Variants in INPP5D observed in about 807,000 individuals in gnomAD.
INPP5D encodes the protein phosphatidylinositol 3,4,5-trisphosphate 5-phosphatase 1.
Under a neutral mutation model 122.9 loss-of-function variants are expected in INPP5D, and 33 were observed. The ratio of observed to expected loss-of-function variants is 0.27; its 90% CI spans 0.20 to 0.36. The LOEUF (loss-of-function observed/expected upper bound fraction) is 0.36. Ranked by LOEUF, INPP5D falls within the 10% of genes least tolerant of loss-of-function variation. The pLI, the probability that INPP5D is intolerant of heterozygous loss-of-function variation, is 1.00. For synonymous variants in INPP5D, 584 were observed against 576.2 expected, an observed-to-expected ratio of 1.01 and a Z score of -0.19; for missense variants, 1,053 against 1,412.7, an observed-to-expected ratio of 0.75 and a Z score of 4.08.
chr2:233,169,513 A>G, intron 14 of INPP5D, 112 bp downstream of exon 14: 1 of 1,484,708 alleles, frequency 6.7e-7, no homozygotes, highest in Admixed American at 2.2e-5. Flanking sequence ...GACCTTGTGG[A>G]TGTCCTGTGG....
At position 233,177,273 on chromosome 2, in the gene INPP5D, C is replaced by A; in HGVS notation, c.1998C>A (p.Tyr666Ter). ...ATGACTTTGATTTGCAGATGAAGTA[C>A]AACTTGCCTTCCTGGTGTGACCGAG... is the stretch of plus-strand genomic sequence containing the variant. ...YTKQKATGMK[Y>*]NLPSWCDRVL... Residue 666 changes from tyrosine (Y) to a stop codon, truncating the protein, a stop_gained, in exon 18 of 27, where the codon TAC becomes TAA. Transcript: ENST00000445964. LOFTEE classifies it high-confidence loss of function. This position sits in a 1 kb window ranked among gnomAD's most constrained non-coding sequence, Gnocchi z 4.2. The A allele has an allele frequency of 6.2e-7, 1 of 1,613,844 alleles. No homozygotes were observed. Among genetic ancestry groups the A allele is most frequent in the Non-Finnish European group, 8.5e-7 (1 of 1,179,828 alleles).
chr2:233,113,088 G>C (rs1176215077), intron 2 of INPP5D, among the ~76,000 whole-genome samples: 1 of 152,110 alleles, frequency 6.6e-6, no homozygotes, highest in Non-Finnish European at 1.5e-5. Context: ...GAGAAGCCTG[G>C]CTCCTGCTTC....
chr2:233,086,203 A>G (rs1691843541), intron 2 of INPP5D, among the ~76,000 whole-genome samples: 1 of 73,520 alleles, frequency 1.4e-5, no homozygotes, highest in Non-Finnish European at 2.9e-5. Context: ...TTTGAGACAG[A>G]GTTTCGCTCT....
At chr2:233,139,328 G>T (rs1041237524) in intron 5 of INPP5D, among the ~76,000 whole-genome samples, 1 of 152,158 alleles carries the variant, frequency 6.6e-6, no homozygotes, top group African/African-American at 2.4e-5. Flanking sequence ...GGGAAAATCC[G>T]TCTGAGCCTG....
chr2:233,073,046 G>A (rs553373799), intron 1 of INPP5D, among the ~76,000 whole-genome samples: 1 of 152,338 alleles, frequency 6.6e-6, no homozygotes, highest in South Asian at 2.1e-4. Flanking sequence ...AGCAGGCAGG[G>A]TGGGGTCAGT....
intron 2 of INPP5D, 50 bp downstream of exon 2, chr2:233,079,448 G>A (rs767408373): frequency 2.4e-5 from 27 of 1,133,324 alleles, no homozygotes; most frequent in Non-Finnish European, 3.2e-5. Context: ...AGCCGATACT[G>A]GCAGAGAAAG....
intron 4 of INPP5D, among the ~76,000 whole-genome samples, chr2:233,127,310 G>A (rs2106261084): frequency 6.6e-6 from 1 of 152,320 alleles, no homozygotes; most frequent in Non-Finnish European, 1.5e-5. Context: ...ATGAGTGAAG[G>A]GGGCATGTGC....
At chr2:233,107,211 G>A (rs570541471) in intron 2 of INPP5D, among the ~76,000 whole-genome samples, 1 of 152,118 alleles carries the variant, frequency 6.6e-6, no homozygotes, top group Non-Finnish European at 1.5e-5. Context: ...GGGTAGGCAG[G>A]GGGTAGGCAG....
At chr2:233,138,537 G>A (rs1230653725) in intron 5 of INPP5D, among the ~76,000 whole-genome samples, 2 of 152,058 alleles carry the variant, frequency 1.3e-5, no homozygotes, top group Non-Finnish European at 2.9e-5. Flanking sequence ...GCAATGTTAT[G>A]TCCCTTAAAA....
At chr2:233,200,774 C>T (rs1419464027) in intron 25 of INPP5D, among the ~76,000 whole-genome samples, 3 of 152,064 alleles carry the variant, frequency 2.0e-5, no homozygotes, top group Non-Finnish European at 4.4e-5. Context: ...GCCTGACCAA[C>T]ACGGTGAAAC....
At chr2:233,062,812 G>C (rs1429297437) in intron 1 of INPP5D, among the ~76,000 whole-genome samples, 1 of 152,146 alleles carries the variant, frequency 6.6e-6, no homozygotes, top group Non-Finnish European at 1.5e-5. Context: ...CTATGGACCT[G>C]CAGACTTTCC....
Position 233,198,236 on chromosome 2 carries a change from C to T in INPP5D, c.2835C>T (p.Asp945=). Residue 945 remains aspartate (D), a synonymous_variant, in exon 25 of 27, where the codon GAC becomes GAT. Coordinates refer to ENST00000445964, the MANE Select transcript of INPP5D (RefSeq NM_001017915.3). ...AGCAGCCCACAGCCTGGAGCTACGA[C>T]CAGCCGCCCAAGGACTCCCCGCTGG... The part of the protein sequence containing the change: ...PDQQPTAWSY[D]QPPKDSPLGP... 6.2e-7 allele frequency: 1 copy of T among 1,613,632 alleles called. No individual in the cohort carries two copies. The highest frequency in any genetic ancestry group is 8.5e-7 in the Non-Finnish European group (1 of 1,179,890).
At chr2:233,094,064 T>C (rs888581299) in intron 2 of INPP5D, among the ~76,000 whole-genome samples, 73 of 152,040 alleles carry the variant, frequency 4.8e-4, no homozygotes, top group African/African-American at 1.6e-3. Flanking sequence ...ACAGGCCACA[T>C]GGGGTCACAG....
At chr2:233,125,280 G>C (rs1693123709) in intron 3 of INPP5D, among the ~76,000 whole-genome samples, 2 of 152,202 alleles carry the variant, frequency 1.3e-5, no homozygotes, top group South Asian at 4.1e-4. Context: ...GAGAGGGAGA[G>C]GGGCAGTGTG....
chr2:233,175,217 C>CAAAA (rs1220185296), intron 17 of INPP5D, among the ~76,000 whole-genome samples: 877 of 68,262 alleles, frequency 0.013, 57 homozygotes, highest in Non-Finnish European at 0.015. Flanking sequence ...GACTCCATCT[C>CAAAA]AAAAAAAAAA....
rs142623785 is a variant in INPP5D, at chr2:233,180,963, C to T, written c.2072-1447C>T. 3.8e-3 allele frequency among the ~76,000 whole-genome samples: 583 copies of T among 152,346 alleles called. 5 individuals carry two copies. Among genetic ancestry groups the T allele is most frequent in the African/African-American group, 0.013 (555 of 41,562 alleles). The stretch of plus-strand genomic sequence containing the variant: ...TGCTGGGATTACAGGCATGAGCCAC[C>T]GTGCTTGGCCTCAGGTCCAGTTTTT... On this transcript the variant is annotated intron_variant, in intron 18 of 26. Coordinates refer to ENST00000445964, the MANE Select transcript of INPP5D (RefSeq NM_001017915.3).
At chr2:233,114,820 C>T (rs910755722) in intron 2 of INPP5D, among the ~76,000 whole-genome samples, 1 of 152,030 alleles carries the variant, frequency 6.6e-6, no homozygotes, top group African/African-American at 2.4e-5. Context: ...GAAACAAATG[C>T]TTTGGTGTGG....
At chr2:233,087,572 G>T (rs181877937) in intron 2 of INPP5D, among the ~76,000 whole-genome samples, 2 of 152,096 alleles carry the variant, frequency 1.3e-5, no homozygotes, top group African/African-American at 4.8e-5. Context: ...TGATCTGCCC[G>T]CCTCAGCCTC....
chr2:233,133,508 T>G lies in INPP5D; in HGVS notation c.665+2860T>G, dbSNP rs146801642. 6.8e-3 allele frequency among the ~76,000 whole-genome samples: 1,036 copies of G among 152,306 alleles called. 9 individuals carry two copies. The highest frequency in any genetic ancestry group is 0.01 in the Admixed American group (158 of 15,304). On this transcript the variant is annotated intron_variant, in intron 5 of 26. Coordinates refer to ENST00000445964, the MANE Select transcript of INPP5D (RefSeq NM_001017915.3). Reference sequence around the variant, plus strand: ...GGCTGGTGTAACATGTAAAAGCTGGTCAACAAGTAAAAGCACAGGCTGCCC... The same window carrying G: ...GGCTGGTGTAACATGTAAAAGCTGGGCAACAAGTAAAAGCACAGGCTGCCC...
Sources: gnomAD v4.1 joint callset for allele counts (sites outside exome capture counted in the v4.1 genomes callset) on GRCh38, gnomAD v4.1.1 for gene constraint, Gnocchi (gnomAD v3.1) non-coding constraint, MANE v1.5 for transcripts, NCBI Gene and HGNC (gene_info 2026-07-23, HGNC 2026-07-21) for gene names.